Variants in CAT observed in about 807,000 individuals in gnomAD.
CAT encodes catalase.
Under a neutral mutation model 59.0 loss-of-function variants are expected in CAT, and 43 were observed. The ratio of observed to expected loss-of-function variants is 0.73; its 90% CI spans 0.57 to 0.94. The LOEUF (loss-of-function observed/expected upper bound fraction) is 0.94. Among genes scored for constraint, CAT ranks in the 40% least tolerant of loss-of-function variants. The pLI is 0.00. For synonymous variants in CAT, 218 were observed against 230.9 expected, an observed-to-expected ratio of 0.94 and a Z score of 0.51; for missense variants, 664 against 682.9, an observed-to-expected ratio of 0.97 and a Z score of 0.31.
At chr11:34,465,041 G>A (rs1856698079) in intron 10 of CAT, among the ~76,000 whole-genome samples, 1 of 152,152 alleles carries the variant, frequency 6.6e-6, no homozygotes, top group Non-Finnish European at 1.5e-5. Flanking sequence ...AGCTGTTTCA[G>A]CACATGCTAT....
At chr11:34,448,608 A>G (rs1856486639) in intron 1 of CAT, among the ~76,000 whole-genome samples, 1 of 152,208 alleles carries the variant, frequency 6.6e-6, no homozygotes, top group Admixed American at 6.5e-5. Context: ...TTAATACTAT[A>G]ATCCACCTTA....
chr11:34,466,665 C>T, intron 10 of CAT, among the ~76,000 whole-genome samples: 1 of 150,578 alleles, frequency 6.6e-6, no homozygotes. Flanking sequence ...CCTGTAGTCC[C>T]AGCTACTCAG....
At position 34,453,193 on chromosome 11, in the gene CAT, A is replaced by G; in HGVS notation, c.584A>G (p.Gln195Arg). 1 of 1,585,564 alleles carries G rather than the reference A, an allele frequency of 6.3e-7. No individual in the cohort carries two copies. The highest frequency in any genetic ancestry group is 8.7e-7 in the Non-Finnish European group (1 of 1,154,010). The stretch of plus-strand genomic sequence containing the variant: ...AGCCTACGTCCTGAGTCTCTGCATC[A>G]GGTATGAACCCTTTTTTGCCATTGT... Reference protein sequence around the residue: ...FWSLRPESLHQVSFLFSDRGI... With the variant: ...FWSLRPESLHRVSFLFSDRGI... Residue 195 changes from glutamine (Q) to arginine (R), a missense_variant and splice_region_variant, in exon 5 of 13, where the codon CAG becomes CGG. Gln to Arg is a conservative substitution (Grantham distance 43, BLOSUM62 1). Transcript: ENST00000241052.
intron 3 of CAT, among the ~76,000 whole-genome samples, 154 bp downstream of exon 3, chr11:34,451,252 C>T (rs765938476): frequency 6.6e-6 from 1 of 152,206 alleles, no homozygotes; most frequent in Non-Finnish European, 1.5e-5. Context: ...TTTGGAGACA[C>T]ATAGGAAGTT....
At chr11:34,439,259 G>T (rs972782730) in intron 1 of CAT, among the ~76,000 whole-genome samples, 180 bp downstream of exon 1, 5 of 152,182 alleles carry the variant, frequency 3.3e-5, no homozygotes, top group African/African-American at 9.7e-5. Flanking sequence ...GGGGAGGGGG[G>T]TCCGGGTAGT....
chr11:34,469,291 G>A (rs1476201800), intron 11 of CAT, among the ~76,000 whole-genome samples: 2 of 152,228 alleles, frequency 1.3e-5, no homozygotes, highest in Non-Finnish European at 2.9e-5. Flanking sequence ...CAGGCGCTCT[G>A]TGTGGTAGGC....
chr11:34,446,259 T>C (rs1477066443), intron 1 of CAT, among the ~76,000 whole-genome samples: 1 of 152,200 alleles, frequency 6.6e-6, no homozygotes, highest in Non-Finnish European at 1.5e-5. Context: ...AAATTGTATA[T>C]ACATGAGCTT....
At chr11:34,466,942 A>G (rs1366079514) in intron 10 of CAT, among the ~76,000 whole-genome samples, 2 of 152,204 alleles carry the variant, frequency 1.3e-5, no homozygotes, top group African/African-American at 4.8e-5. Context: ...AACATGGCTG[A>G]AGAGAAGATT....
chr11:34,439,104 G>A lies in CAT; in HGVS notation c.66+25G>A, dbSNP rs746948846. ...GGTACACTCTGTGCTCCCCGAGCGG[G>A]CCCGAAGGTCCGTTTAGAAAGCGGG... On this transcript the variant is annotated intron_variant, in intron 1 of 12. Transcript: ENST00000241052. 11 of 1,565,142 alleles carry A rather than the reference G, an allele frequency of 7.0e-6. No homozygotes were observed. The South Asian group carries it at 1.3e-4, about 18-fold the overall frequency.
At chr11:34,456,338 A>C (rs1159618774) in intron 7 of CAT, 136 bp downstream of exon 7, 3 of 729,564 alleles carry the variant, frequency 4.1e-6, no homozygotes, top group Non-Finnish European at 6.8e-6. Flanking sequence ...AGAGTGTCCT[A>C]AGCTGTGAAT....
At chr11:34,456,979 T>C in intron 8 of CAT, 162 bp downstream of exon 8, 1 of 722,168 alleles carries the variant, frequency 1.4e-6, no homozygotes, top group South Asian at 1.7e-5. Context: ...TGAGGTGAAC[T>C]ATTCTTCAAT....
intron 10 of CAT, among the ~76,000 whole-genome samples, chr11:34,467,212 T>A (rs1307462448): frequency 6.6e-6 from 1 of 152,174 alleles, no homozygotes; most frequent in Non-Finnish European, 1.5e-5. Context: ...CAAATAATAT[T>A]TTCTAGAAAC....
Position 34,453,875 on chromosome 11 carries a change from C to A in CAT, c.660C>A (p.Phe220Leu). 6.2e-7 allele frequency: 1 copy of A among 1,613,898 alleles called. No homozygotes were observed. Among genetic ancestry groups the A allele is most frequent in the Non-Finnish European group, 8.5e-7 (1 of 1,179,772 alleles). The change falls in exon 6 of 13, where the codon TTC becomes TTA. Residue 220 changes from phenylalanine to leucine, a missense_variant. Coordinates refer to ENST00000241052, the MANE Select transcript of CAT (RefSeq NM_001752.4). ...RHMNGYGSHT[F>L]KLVNANGEAV... Reference sequence around the variant, plus strand: ...TGAATGGATATGGATCACATACTTTCAAGCTGGTTAATGCAAATGGGGAGG... The same window carrying A: ...TGAATGGATATGGATCACATACTTTAAAGCTGGTTAATGCAAATGGGGAGG...
rs1435601633 is a variant in CAT at position 34,470,998 on chromosome 11, A to G, written c.1475A>G (p.His492Arg). 1.2e-6 allele frequency: 2 copies of G among 1,614,244 alleles called. No homozygotes were observed. The highest frequency in any genetic ancestry group is 2.2e-5 in the South Asian group (2 of 91,086). The change falls in exon 12 of 13, where the codon CAC becomes CGC. Residue 492 changes from histidine to arginine, a missense_variant. His to Arg is a conservative substitution (Grantham distance 29, BLOSUM62 0). Transcript: ENST00000241052. ...FTEVHPDYGS[H>R]IQALLDKYNA... ...GAGGTCCACCCTGACTACGGGAGCCACATCCAGGCTCTTCTGGACAAGTAC... is the reference window on the plus strand; with the variant it reads ...GAGGTCCACCCTGACTACGGGAGCCGCATCCAGGCTCTTCTGGACAAGTAC...
intron 4 of CAT, 25 bp from the exon 5 acceptor site, chr11:34,453,065 T>C: frequency 6.7e-7 from 1 of 1,489,510 alleles, no homozygotes; most frequent in Admixed American, 1.7e-5. Context: ...GTTTTTGGAT[T>C]TTTTTCTCTC....
intron 8 of CAT, among the ~76,000 whole-genome samples, chr11:34,457,157 G>A (rs1171864877): frequency 6.9e-6 from 1 of 145,922 alleles, no homozygotes; most frequent in Admixed American, 6.8e-5. Flanking sequence ...CTGAAGTATG[G>A]TTAATTAATT....
intron 8 of CAT, 35 bp from the exon 9 acceptor site, chr11:34,461,215 GC>G: frequency 6.2e-7 from 1 of 1,610,980 alleles, no homozygotes. Flanking sequence ...ATATGTTACT[GC>G]CCCTAGTCAG....
At chr11:34,464,676 G>A (rs1399506500) in intron 10 of CAT, among the ~76,000 whole-genome samples, 11 of 151,828 alleles carry the variant, frequency 7.2e-5, no homozygotes, top group Non-Finnish European at 1.5e-4. Flanking sequence ...CGTCCTTCAC[G>A]TGGCTTATTC....
chr11:34,449,358 G>C lies in CAT; in HGVS notation c.233G>C (p.Gly78Ala). 6.2e-7 allele frequency: 1 copy of C among 1,613,754 alleles called. No homozygotes were observed. Among genetic ancestry groups the C allele is most frequent in the Non-Finnish European group, 8.5e-7 (1 of 1,179,682 alleles). The change falls in exon 2 of 13, where the codon GGA becomes GCA. Residue 78 changes from glycine (G) to alanine (A), a missense_variant. Transcript: ENST00000241052. ...CCTGAGAGAGTTGTGCATGCTAAAGGAGCAGGTAAGTGCTGTGTTTATTTG... is the reference window on the plus strand; with the variant it reads ...CCTGAGAGAGTTGTGCATGCTAAAGCAGCAGGTAAGTGCTGTGTTTATTTG... ...RIPERVVHAK[G>A]AGAFGYFEVT... is the part of the protein sequence containing the mutation.
Sources: gnomAD v4.1 joint callset for allele counts (sites outside exome capture counted in the v4.1 genomes callset) on GRCh38, gnomAD v4.1.1 for gene constraint, MANE v1.5 for transcripts, NCBI Gene and HGNC (gene_info 2026-07-23, HGNC 2026-07-21) for gene names.